Variants in MVB12B observed in about 807,000 individuals in gnomAD.
MVB12B encodes ESCRT-I complex subunit MVB12B.
MVB12B carries 16 observed loss-of-function variants against 41.6 expected under a neutral mutation model. That is an observed-to-expected ratio of 0.38 (90% CI 0.26 to 0.58). The LOEUF (loss-of-function observed/expected upper bound fraction) is 0.58, where lower values mean the gene tolerates loss of function less well. Ranked by LOEUF, MVB12B falls within the 20% of genes least tolerant of loss-of-function variation. MVB12B has a pLI of 0.62. For synonymous variants in MVB12B, 133 were observed against 139.7 expected (o/e 0.95, Z 0.34); for missense variants, 274 against 380.2 (o/e 0.72, Z 2.32).
intron 1 of MVB12B, chr9:126,335,488 C>T: frequency 2.0e-6 from 2 of 1,024,476 alleles, no homozygotes; most frequent in South Asian, 2.7e-5. Flanking sequence ...CCACAGGTTC[C>T]CTCCTTGGGG....
intron 7 of MVB12B, among the ~76,000 whole-genome samples, chr9:126,451,432 T>G (rs2119160610): frequency 6.6e-6 from 1 of 152,046 alleles, no homozygotes; most frequent in South Asian, 2.1e-4. Context: ...TCAGGGGTAC[T>G]TAGTAGAGGG....
intron 1 of MVB12B, among the ~76,000 whole-genome samples, chr9:126,328,744 A>G (rs1451585154): frequency 6.6e-6 from 1 of 151,892 alleles, no homozygotes; most frequent in Non-Finnish European, 1.5e-5. Flanking sequence ...GGAGTAGCTT[A>G]TTTATTTATT....
At chr9:126,357,711 T>C (rs1829920477) in intron 2 of MVB12B, among the ~76,000 whole-genome samples, 1 of 152,236 alleles carries the variant, frequency 6.6e-6, no homozygotes. Context: ...AAGGGTTCTT[T>C]GTATATTTTA....
At chr9:126,356,580 G>T (rs550818179) in intron 2 of MVB12B, among the ~76,000 whole-genome samples, 3 of 152,052 alleles carry the variant, frequency 2.0e-5, no homozygotes, top group African/African-American at 7.2e-5. Flanking sequence ...CCCCTAAAAG[G>T]TTCCTCCTAC....
intron 9 of MVB12B, among the ~76,000 whole-genome samples, chr9:126,489,711 C>T (rs1833692981): frequency 1.3e-5 from 2 of 152,226 alleles, no homozygotes; most frequent in Admixed American, 1.3e-4. Flanking sequence ...TGGCCATCTT[C>T]CAGCAGCCAT....
chr9:126,338,130 G>A (rs193203714), intron 1 of MVB12B, among the ~76,000 whole-genome samples: 173 of 152,326 alleles, frequency 1.1e-3, no homozygotes, highest in Middle Eastern at 6.8e-3. Context: ...CGCGCGGCCC[G>A]GAGCCATTTG....
chr9:126,435,245 C>G (rs181136553), intron 7 of MVB12B, among the ~76,000 whole-genome samples: 134 of 152,266 alleles, frequency 8.8e-4, no homozygotes, highest in Non-Finnish European at 1.5e-3. Context: ...GCTTATTATA[C>G]CAGAAGGCAC....
chr9:126,403,746 A>G (rs1831335990), intron 6 of MVB12B, among the ~76,000 whole-genome samples: 1 of 152,210 alleles, frequency 6.6e-6, no homozygotes, highest in South Asian at 2.1e-4. Context: ...ATGGTAAAGA[A>G]CTCTGAATTC....
At chr9:126,422,846 A>G (rs1053015032) in intron 7 of MVB12B, among the ~76,000 whole-genome samples, 16 of 152,248 alleles carry the variant, frequency 1.1e-4, no homozygotes, top group African/African-American at 1.4e-4. Context: ...TTTTCTCGTT[A>G]TGATCACTCC....
chr9:126,466,641 A>G (rs1588194756), intron 7 of MVB12B, among the ~76,000 whole-genome samples: 1 of 152,150 alleles, frequency 6.6e-6, no homozygotes, highest in East Asian at 1.9e-4. Context: ...GTTAAGGAGG[A>G]AAAAAGTGTT....
Position 126,340,435 on chromosome 9 carries a change from G to A in MVB12B, c.82-73G>A, listed in dbSNP as rs1829412849. ...GTATTTGCCCCAAGATTCTGGTTCT[G>A]TTTGAGACTTTATATTATTCACATA... On this transcript the variant is annotated intron_variant, in intron 1 of 9. Transcript: ENST00000361171. This position sits in a 1 kb window ranked among gnomAD's most constrained non-coding sequence, Gnocchi z 4.0. The A allele has an allele frequency of 6.4e-7, 1 of 1,572,524 alleles. No individual in the cohort carries two copies. Among genetic ancestry groups the A allele is most frequent in the South Asian group, 1.1e-5 (1 of 88,404 alleles).
At position 126,395,001 on chromosome 9, in the gene MVB12B, C is replaced by T. The variant is rs570930710; in HGVS notation, c.540-574C>T. On this transcript the variant is annotated intron_variant, in intron 5 of 9. Coordinates refer to ENST00000361171, the MANE Select transcript of MVB12B (RefSeq NM_033446.3). This position sits in a 1 kb window ranked among gnomAD's most constrained non-coding sequence, Gnocchi z 4.9. Reference sequence around the variant, plus strand: ...GGAGGTCACAGGAGAGCTTATGCGGCGTCTGGGAGGCCCCTTGGTGTCCAC... The same window carrying T: ...GGAGGTCACAGGAGAGCTTATGCGGTGTCTGGGAGGCCCCTTGGTGTCCAC... Among the ~76,000 whole-genome samples the T allele has an allele frequency of 1.5e-4, 23 of 152,202 alleles. No individual in the cohort carries two copies. Among genetic ancestry groups the T allele is most frequent in the African/African-American group, 5.3e-4 (22 of 41,540 alleles).
At chr9:126,429,053 G>T (rs1056771247) in intron 7 of MVB12B, among the ~76,000 whole-genome samples, 5 of 152,122 alleles carry the variant, frequency 3.3e-5, no homozygotes, top group Admixed American at 3.3e-4. Context: ...CATCAATTTG[G>T]CACAGCCACT....
intron 9 of MVB12B, among the ~76,000 whole-genome samples, chr9:126,494,581 G>A (rs1255644588): frequency 6.6e-6 from 1 of 152,134 alleles, no homozygotes; most frequent in Non-Finnish European, 1.5e-5. Flanking sequence ...TGGTCTCTGG[G>A]AACTTTTGCA....
intron 6 of MVB12B, among the ~76,000 whole-genome samples, chr9:126,413,532 G>A (rs768991684): frequency 2.6e-5 from 4 of 152,060 alleles, no homozygotes; most frequent in Non-Finnish European, 4.4e-5. Context: ...TCCTTTTGTC[G>A]CATTACTTCC....
At chr9:126,418,755 A>C (rs527632534) in intron 6 of MVB12B, among the ~76,000 whole-genome samples, 1 of 151,760 alleles carries the variant, frequency 6.6e-6, no homozygotes, top group East Asian at 1.9e-4. Flanking sequence ...TCGAGTGCTC[A>C]CCCCTCCTCC....
intron 9 of MVB12B, among the ~76,000 whole-genome samples, chr9:126,497,178 A>G (rs564043396): frequency 1.3e-5 from 2 of 152,198 alleles, no homozygotes; most frequent in African/African-American, 4.8e-5. Flanking sequence ...CAGGGGCTGA[A>G]CTGGCTGGAA....
rs549233502 is a variant in MVB12B at position 126,335,235 on chromosome 9, TG to T, written c.82-5271del. ...TTTGTCAGAGTGATTTGACTCTGGC[TG>T]GTCACCAGGTAATCTGTCCAAAGTT... On this transcript the variant is annotated intron_variant, in intron 1 of 9. Coordinates refer to ENST00000361171, the MANE Select transcript of MVB12B (RefSeq NM_033446.3). The T allele has an allele frequency of 3.8e-5, 45 of 1,185,388 alleles. No homozygotes were observed. In the African/African-American group the frequency reaches 6.5e-4, roughly 17 times the overall value. 73.4% of individuals were successfully genotyped at this position (1,185,388 alleles called of 1,614,324 possible).
At chr9:126,365,031 C>T (rs1465342313) in intron 2 of MVB12B, among the ~76,000 whole-genome samples, 5 of 144,634 alleles carry the variant, frequency 3.5e-5, no homozygotes, top group Non-Finnish European at 7.5e-5. Flanking sequence ...GGATTACAGG[C>T]GTGAGCCACC....
Sources: gnomAD v4.1 joint callset for allele counts (sites outside exome capture counted in the v4.1 genomes callset) on GRCh38, gnomAD v4.1.1 for gene constraint, Gnocchi (gnomAD v3.1) non-coding constraint, MANE v1.5 for transcripts, NCBI Gene and HGNC (gene_info 2026-07-23, HGNC 2026-07-21) for gene names.